SERPINB4: variants seen among roughly 807,000 people sequenced by gnomAD.
The protein encoded by SERPINB4 is serpin family B member 4.
SERPINB4 carries 39 observed loss-of-function variants against 33.2 expected under a neutral mutation model. That is an observed-to-expected ratio of 1.18 (90% CI 0.91 to 1.53). SERPINB4 has a LOEUF of 1.53. SERPINB4 is among the 40% of genes most tolerant of loss of function. The pLI, the probability that SERPINB4 is intolerant of heterozygous loss-of-function variation, is 0.00. For missense variants in SERPINB4, 564 were observed against 455.4 expected, an observed-to-expected ratio of 1.24 and a Z score of -2.17; for synonymous variants, 191 against 166.4, an observed-to-expected ratio of 1.15 and a Z score of -1.14.
intron 7 of SERPINB4, among the ~76,000 whole-genome samples, chr18:63,638,668 T>G (rs188401132): frequency 3.3e-5 from 5 of 151,930 alleles, no homozygotes; most frequent in Admixed American, 3.3e-4. Context: ...TGCATAATAA[T>G]ATCATCAAAT....
rs1004044939 is a variant in SERPINB4 at position 63,637,675 on chromosome 18, C to G, written c.*44G>C. ...GCCAGCAATCAGTTTACCAGAACAC[C>G]TCTAGGTGAACATTTTCTAAATGGA... is the stretch of plus-strand genomic sequence containing the variant. On this transcript the variant is annotated 3_prime_UTR_variant, in exon 8 of 8. Transcript: ENST00000341074. 7 of 1,550,804 alleles carry G rather than the reference C, an allele frequency of 4.5e-6. No homozygotes were observed. The African/African-American group carries it at 9.6e-5, about 21-fold the overall frequency.
chr18:63,639,343 G>T lies in SERPINB4; in HGVS notation c.613-3C>A. On this transcript the variant is annotated splice_region_variant and splice_polypyrimidine_tract_variant and intron_variant, in intron 6 of 7. Coordinates refer to ENST00000341074, the MANE Select transcript of SERPINB4 (RefSeq NM_002974.4). ...ATCTGTACAGATTTGTATGTATTCT[G>T]CAATAAATCAATGTGTCCAACAAAT... The T allele has an allele frequency of 6.3e-7, 1 of 1,596,962 alleles. No individual in the cohort carries two copies. The highest frequency in any genetic ancestry group is 8.6e-7 in the Non-Finnish European group (1 of 1,169,106).
chr18:63,639,861 C>T (rs969803724), intron 5 of SERPINB4, 85 bp from the exon 6 acceptor site: 19 of 1,269,522 alleles, frequency 1.5e-5, no homozygotes, highest in Middle Eastern at 2.1e-4. Context: ...CGTGACTGAT[C>T]GTTAATTATT....
intron 7 of SERPINB4, among the ~76,000 whole-genome samples, chr18:63,638,558 A>G (rs1913017506): frequency 6.6e-6 from 1 of 151,950 alleles, no homozygotes; most frequent in Non-Finnish European, 1.5e-5. Flanking sequence ...ATTAAATTGT[A>G]ATTCCCTAAA....
At chr18:63,641,338 T>C (rs986683686) in intron 4 of SERPINB4, among the ~76,000 whole-genome samples, 1 of 152,144 alleles carries the variant, frequency 6.6e-6, no homozygotes, top group African/African-American at 2.4e-5. Flanking sequence ...TTTGTTTTTG[T>C]CTTTCATCCT....
intron 3 of SERPINB4, among the ~76,000 whole-genome samples, chr18:63,642,229 T>C (rs1913159230): frequency 6.6e-6 from 1 of 152,126 alleles, no homozygotes; most frequent in African/African-American, 2.4e-5. Context: ...AGGACCATAT[T>C]TCACTTCTAA....
chr18:63,638,668 TATC>T (rs1157925566), intron 7 of SERPINB4, among the ~76,000 whole-genome samples: 2 of 151,812 alleles, frequency 1.3e-5, no homozygotes. Context: ...TGCATAATAA[TATC>T]ATCAAATTGA....
chr18:63,637,736 T>A lies in SERPINB4; in HGVS notation c.1156A>T (p.Arg386Ter). ...NKTNSILFYGRFSSP is the reference protein window; with the variant it reads ...NKTNSILFYG The stretch of plus-strand genomic sequence containing the variant: ...AATTGCATCTATGGGGATGAGAATC[T>A]GCCATAGAAGAGGATGCTGTTGGTC... Residue 386 changes from arginine (R) to a stop codon, truncating the protein, a stop_gained, in exon 8 of 8, where the codon AGA becomes TGA. Transcript: ENST00000341074. LOFTEE classifies it high-confidence loss of function. The A allele has an allele frequency of 6.2e-7, 1 of 1,607,348 alleles. No individual in the cohort carries two copies.
chr18:63,639,669 C>T lies in SERPINB4; in HGVS notation c.577G>A (p.Glu193Lys), dbSNP rs2144466843. The change falls in exon 6 of 8, where the codon GAA becomes AAA. Residue 193 changes from glutamate to lysine, a missense_variant. Physicochemically the swap from Glu to Lys is moderately conservative, Grantham distance 56. Coordinates refer to ENST00000341074, the MANE Select transcript of SERPINB4 (RefSeq NM_002974.4). The part of the protein sequence containing the change: ...KGQWENKFKK[E>K]NTKEEKFWPN... Reference sequence around the variant, plus strand: ...CAAAATTTTTCCTCTTTAGTGTTTTCTTTTTTAAATTTATTCTCCCACTGC... The same window carrying T: ...CAAAATTTTTCCTCTTTAGTGTTTTTTTTTTTAAATTTATTCTCCCACTGC... 1 of 1,610,582 alleles carries T rather than the reference C, an allele frequency of 6.2e-7. No individual in the cohort carries two copies. Among genetic ancestry groups the T allele is most frequent in the Non-Finnish European group, 8.5e-7 (1 of 1,177,576 alleles).
chr18:63,638,155 C>G (rs1913002165), intron 7 of SERPINB4, 32 bp from the exon 8 acceptor site: 1 of 1,596,548 alleles, frequency 6.3e-7, no homozygotes. Flanking sequence ...ACTGATATGA[C>G]TAACTGTCGA....
chr18:63,640,597 C>G (rs1201236278), intron 5 of SERPINB4, among the ~76,000 whole-genome samples: 1 of 152,000 alleles, frequency 6.6e-6, no homozygotes, highest in Non-Finnish European at 1.5e-5. Context: ...TAGGCCTGAG[C>G]GGAGACAGGG....
In SERPINB4 at chr18:63,643,538, C is replaced by T. The variant is rs142793146; in HGVS notation, c.40G>A (p.Asp14Asn). 6.2e-6 allele frequency: 10 copies of T among 1,613,558 alleles called. No homozygotes were observed. The highest frequency in any genetic ancestry group is 3.3e-5 in the South Asian group (3 of 91,072). ...GATTTTCTGAACTGTTGGAACAGATCGAACATGAACTTGGTGTTGGCTTCA... is the reference window on the plus strand; with the variant it reads ...GATTTTCTGAACTGTTGGAACAGATTGAACATGAACTTGGTGTTGGCTTCA... Reference protein sequence around the residue: ...LSEANTKFMFDLFQQFRKSKE... With the variant: ...LSEANTKFMFNLFQQFRKSKE... The change falls in exon 2 of 8, where the codon GAT (aspartate) becomes AAT (asparagine). Residue 14 changes from aspartate (D) to asparagine (N), a missense_variant. By Grantham distance (23) the Asp-to-Asn change is conservative. Coordinates refer to ENST00000341074, the MANE Select transcript of SERPINB4 (RefSeq NM_002974.4).
chr18:63,641,043 A>G (rs1162978802), intron 4 of SERPINB4, 52 bp from the exon 5 acceptor site: 2 of 1,451,470 alleles, frequency 1.4e-6, no homozygotes, highest in Non-Finnish European at 1.9e-6. Flanking sequence ...ATGTAACTAT[A>G]TATTACCAAA....
chr18:63,639,598 A>T, intron 6 of SERPINB4, 36 bp downstream of exon 6: 1 of 1,337,972 alleles, frequency 7.5e-7, no homozygotes, highest in Non-Finnish European at 1.1e-6. Flanking sequence ...CCATGTATTA[A>T]CATATTACAC....
Position 63,639,187 on chromosome 18 carries a change from T to C in SERPINB4, c.766A>G (p.Lys256Glu). 6.2e-7 allele frequency: 1 copy of C among 1,607,372 alleles called. No homozygotes were observed. Among genetic ancestry groups the C allele is most frequent in the Non-Finnish European group, 8.5e-7 (1 of 1,175,982 alleles). ...GAGTTGTAGATGCAAGTTCTTACCT[T>C]CTGCAGACCATCGATTTCATTTGGC... ...LLPNEIDGLQKLEEKLTAEKL... is the reference protein window; with the variant it reads ...LLPNEIDGLQELEEKLTAEKL... Residue 256 changes from lysine (K) to glutamate (E), a missense_variant and splice_region_variant, in exon 7 of 8, where the codon AAG (lysine) becomes GAG (glutamate). Coordinates refer to ENST00000341074, the MANE Select transcript of SERPINB4 (RefSeq NM_002974.4).
intron 7 of SERPINB4, 84 bp downstream of exon 7, chr18:63,639,101 C>A: frequency 1.4e-6 from 2 of 1,415,670 alleles, no homozygotes; most frequent in South Asian, 3.6e-5. Context: ...GCAACTCGGT[C>A]ATAAGCTTTT....
chr18:63,639,485 C>T, intron 6 of SERPINB4, 145 bp from the exon 7 acceptor site: 1 of 1,030,658 alleles, frequency 9.7e-7, no homozygotes, highest in Non-Finnish European at 1.4e-6. Flanking sequence ...TTCAGGTATT[C>T]CTAACTAAAT....
Position 63,638,051 on chromosome 18 carries a change from C to T in SERPINB4, c.841G>A (p.Asp281Asn), listed in dbSNP as rs750116682. 19 of 1,613,370 alleles carry T rather than the reference C, an allele frequency of 1.2e-5. No individual in the cohort carries two copies. Among genetic ancestry groups the T allele is most frequent in the South Asian group, 3.3e-5 (3 of 91,076 alleles). Residue 281 changes from aspartate (D) to asparagine (N), a missense_variant, in exon 8 of 8, where the codon GAT (aspartate) becomes AAT (asparagine). Asp to Asn is a conservative substitution (Grantham distance 23). Transcript: ENST00000341074. ...SLQNMRETCV[D>N]LHLPRFKMEE... Reference sequence around the variant, plus strand: ...ATTTTGAACCGAGGTAAGTGTAAATCGACACATGTCTCTCTCATATTCTGC... The same window carrying T: ...ATTTTGAACCGAGGTAAGTGTAAATTGACACATGTCTCTCTCATATTCTGC...
intron 5 of SERPINB4, among the ~76,000 whole-genome samples, chr18:63,640,193 T>G (rs1336868944): frequency 1.3e-5 from 2 of 151,990 alleles, no homozygotes; most frequent in African/African-American, 4.8e-5. Flanking sequence ...CTGATTGCAT[T>G]TTAGGATGAG....
Sources: allele counts gnomAD v4.1 joint callset (sites outside exome capture counted in the v4.1 genomes callset), GRCh38; gene constraint gnomAD v4.1.1; transcripts MANE v1.5; gene names NCBI Gene and HGNC (gene_info 2026-07-23, HGNC 2026-07-21).